CTBP1: variants seen among roughly 807,000 people sequenced by gnomAD.
The protein encoded by CTBP1 is C-terminal binding protein 1.
Under a neutral mutation model 42.1 loss-of-function variants are expected in CTBP1, and 11 were observed. That is an observed-to-expected ratio of 0.26 (90% CI 0.16 to 0.43). The LOEUF (loss-of-function observed/expected upper bound fraction) is 0.43. Ranked by LOEUF, CTBP1 falls within the 20% of genes least tolerant of loss-of-function variation. The pLI, the probability that CTBP1 is intolerant of heterozygous loss-of-function variation, is 1.00. For missense variants in CTBP1, 399 were observed against 624.3 expected (o/e 0.64, Z 3.85); for synonymous variants, 324 against 277.1 (o/e 1.17, Z -1.68).
In CTBP1 at chr4:1,212,171, CCA is replaced by C; in HGVS notation, c.*67_*68del. ...CAGGGCCACCACACAGATGCCTCCT[CCA>C]CACACTCTGGTCCGAGGGTTTCCGG... On this transcript the variant is annotated 3_prime_UTR_variant, in exon 10 of 10. Transcript: ENST00000382952. The C allele has an allele frequency of 1.5e-6, 2 of 1,313,210 alleles. No individual in the cohort carries two copies. Among genetic ancestry groups the C allele is most frequent in the Non-Finnish European group, 2.0e-6 (2 of 1,000,324 alleles). 81.3% of individuals were successfully genotyped at this position (1,313,210 alleles called of 1,614,324 possible).
intron 4 of CTBP1, among the ~76,000 whole-genome samples, chr4:1,227,368 C>T (rs1730468058): frequency 6.8e-6 from 1 of 146,712 alleles, no homozygotes; most frequent in Non-Finnish European, 1.5e-5. Context: ...GTGCTGAGTG[C>T]ACATGCACGG....
In CTBP1 at chr4:1,241,765, G is replaced by A; in HGVS notation, c.-188-246C>T. On this transcript the variant is annotated intron_variant, in intron 1 of 9. Coordinates refer to ENST00000382952, the MANE Select transcript of CTBP1 (RefSeq NM_001012614.2). ...GAGGCCGCGCCCCTGTGGCCCCGAG[G>A]CCTACTCCTGGGAACAGTCCCCCAG... 10 of 1,192,092 alleles carry A rather than the reference G, an allele frequency of 8.4e-6. No individual in the cohort carries two copies. In the South Asian group the frequency reaches 1.4e-4, roughly 17 times the overall value. 73.8% of individuals were successfully genotyped at this position (1,192,092 alleles called of 1,614,324 possible).
At position 1,243,225 on chromosome 4, in the gene CTBP1, A is replaced by G. The variant is rs1732366575; in HGVS notation, c.-188-1706T>C. ...CATCAATGCTGCTCAATGCTTATCT[A>G]TACTGGCCAGTACGTGCCCACACCT... On this transcript the variant is annotated intron_variant, in intron 1 of 9. Coordinates refer to ENST00000382952, the MANE Select transcript of CTBP1 (RefSeq NM_001012614.2). 2.4e-5 allele frequency: 24 copies of G among 985,282 alleles called. 1 individual carries two copies. In the South Asian group the frequency reaches 8.5e-4, roughly 35 times the overall value. 61.0% of individuals were successfully genotyped at this position (985,282 alleles called of 1,614,324 possible). A position where few individuals can be genotyped will look rare whatever the true frequency, so the allele number is the denominator to read the frequency against.
At chr4:1,223,380 A>G in intron 5 of CTBP1, 1 of 452,808 alleles carries the variant, frequency 2.2e-6, no homozygotes, top group South Asian at 1.6e-5. Flanking sequence ...AGAGACAGGC[A>G]CGTGTTCCAT....
Position 1,241,215 on chromosome 4 carries a change from C to T in CTBP1, c.7+110G>A, listed in dbSNP as rs1369551715. The T allele has an allele frequency of 7.8e-6, 6 of 773,342 alleles. No homozygotes were observed. In the East Asian group the frequency reaches 9.7e-5, roughly 13 times the overall value. The allele number at this position is 773,342 out of a possible 1,614,324, so 47.9% of individuals were successfully genotyped here. A position where few individuals can be genotyped will look rare whatever the true frequency, so the allele number is the denominator to read the frequency against. On this transcript the variant is annotated intron_variant, in intron 2 of 9. Coordinates refer to ENST00000382952, the MANE Select transcript of CTBP1 (RefSeq NM_001012614.2). ...CAGGTGGCAGCAGTCCGGCCCGACG[C>T]CCATGCAGCCCAGGTCCCTCGACTT...
At chr4:1,241,857 G>A (rs1034033243) in intron 1 of CTBP1, 49 of 1,144,838 alleles carry the variant, frequency 4.3e-5, no homozygotes, top group East Asian at 2.6e-4. Context: ...ACCAGGGGAC[G>A]GAGGGCACAG....
At chr4:1,239,508 TCCGCTGCC>T (rs1410845174) in intron 2 of CTBP1, among the ~76,000 whole-genome samples, 3 of 152,140 alleles carry the variant, frequency 2.0e-5, no homozygotes, top group African/African-American at 7.2e-5. Flanking sequence ...TCCCGCCCCA[TCCGCTGCC>T]CCATCCGCCT....
rs1730554729 is a variant in CTBP1, at chr4:1,227,903, C to A, written c.307+296G>T. Among the ~76,000 whole-genome samples the A allele has an allele frequency of 2.6e-5, 4 of 152,244 alleles. No individual in the cohort carries two copies. In the South Asian group the frequency reaches 8.3e-4, roughly 31 times the overall value. On this transcript the variant is annotated intron_variant, in intron 4 of 9. Transcript: ENST00000382952. ...TACACTGACGGCCCTGCCCTCACCC[C>A]CAGGGTCCCAGTACCCAAGCAAGGG...
At chr4:1,237,248 AC>A in intron 3 of CTBP1, 5 of 591,160 alleles carry the variant, frequency 8.5e-6, no homozygotes, top group African/African-American at 4.5e-5. Flanking sequence ...GGGGCTCAGG[AC>A]AAACCGAGTG....
chr4:1,248,748 C>T, intron 1 of CTBP1, 168 bp downstream of exon 1: 1 of 979,262 alleles, frequency 1.0e-6, no homozygotes, highest in African/African-American at 1.8e-5. Flanking sequence ...CCCGCGGTCC[C>T]GCCCCCGACC....
At chr4:1,228,380 T>C in intron 3 of CTBP1, 37 bp from the exon 4 acceptor site, 1 of 1,600,960 alleles carries the variant, frequency 6.2e-7, no homozygotes, top group Non-Finnish European at 8.5e-7. Flanking sequence ...GCCCGGAACC[T>C]GAAGACCCTC....
At chr4:1,225,262 G>T in intron 5 of CTBP1, 98 bp downstream of exon 5, 1 of 1,386,074 alleles carries the variant, frequency 7.2e-7, no homozygotes, top group Non-Finnish European at 9.7e-7. Flanking sequence ...ACCTGCAGCA[G>T]CCCCACCCCG....
At chr4:1,248,597 TG>T in intron 1 of CTBP1, 1 of 828,132 alleles carries the variant, frequency 1.2e-6, no homozygotes, top group Non-Finnish European at 1.5e-6. Context: ...CCGACGGGGC[TG>T]GGGTCGGTGG....
Position 1,245,158 on chromosome 4 carries a change from C to T in CTBP1, c.-188-3639G>A, listed in dbSNP as rs992861426. 4.1e-6 allele frequency: 4 copies of T among 985,342 alleles called. No individual in the cohort carries two copies. In the African/African-American group the frequency reaches 5.2e-5, roughly 13 times the overall value. 61.0% of individuals were successfully genotyped at this position (985,342 alleles called of 1,614,324 possible). A position where few individuals can be genotyped will look rare whatever the true frequency, so the allele number is the denominator to read the frequency against. The stretch of plus-strand genomic sequence containing the variant: ...AAGTCATCCACGAGCCGATACGGCA[C>T]CTTGGACGGCAGCATCCCTGTGAGC... On this transcript the variant is annotated intron_variant, in intron 1 of 9. Coordinates refer to ENST00000382952, the MANE Select transcript of CTBP1 (RefSeq NM_001012614.2).
intron 7 of CTBP1, chr4:1,213,974 C>G (rs1728826626): frequency 2.5e-6 from 1 of 401,618 alleles, no homozygotes; most frequent in African/African-American, 2.1e-5. Context: ...ACATCCAACC[C>G]AGGGCTGCCT....
rs946130041 is a variant in CTBP1, at chr4:1,227,391, G to A, written c.307+808C>T. Among the ~76,000 whole-genome samples the A allele has an allele frequency of 1.2e-4, 17 of 147,518 alleles. 2 individuals are homozygous for A. The highest frequency in any genetic ancestry group is 2.1e-4 in the East Asian group (1 of 4,870). On this transcript the variant is annotated intron_variant, in intron 4 of 9. Coordinates refer to ENST00000382952, the MANE Select transcript of CTBP1 (RefSeq NM_001012614.2). ...TGCACATGCACGGCTGCAGATGTGC[G>A]TGTTCTGTGTGTGTTCTGTGTGCTG...
chr4:1,217,225 G>C (rs1729225524), intron 5 of CTBP1: 1 of 152,350 alleles, frequency 6.6e-6, no homozygotes, highest in African/African-American at 2.4e-5. Context: ...CTGGGAAGAG[G>C]ACTGGGGGAG....
chr4:1,247,268 G>C (rs1422986830), intron 1 of CTBP1, among the ~76,000 whole-genome samples: 1 of 152,136 alleles, frequency 6.6e-6, no homozygotes, highest in Non-Finnish European at 1.5e-5. Flanking sequence ...GGCGGACGAG[G>C]CACCCCCAGG....
chr4:1,222,836 A>C (rs1361989675), intron 5 of CTBP1, among the ~76,000 whole-genome samples: 1 of 151,886 alleles, frequency 6.6e-6, no homozygotes, highest in East Asian at 1.9e-4. Flanking sequence ...ACAGACCCCG[A>C]CCCCAGGAGA....
Sources: gnomAD v4.1 joint callset for allele counts (sites outside exome capture counted in the v4.1 genomes callset) on GRCh38, gnomAD v4.1.1 for gene constraint, MANE v1.5 for transcripts, NCBI Gene and HGNC (gene_info 2026-07-23, HGNC 2026-07-21) for gene names.